The following KHDRBS2 variants were observed in gnomAD, a reference collection of about 807,000 sequenced individuals.
KHDRBS2 encodes KH domain-containing, RNA-binding, signal transduction-associated protein 2.
KHDRBS2 carries 26 observed loss-of-function variants against 44.3 expected under a neutral mutation model. The ratio of observed to expected loss-of-function variants is 0.59; its 90% CI spans 0.43 to 0.81. The LOEUF is 0.81. KHDRBS2 is among the 40% of genes least tolerant of loss of function. The pLI, the probability that KHDRBS2 is intolerant of heterozygous loss-of-function variation, is 0.00. For synonymous variants in KHDRBS2, 194 were observed against 151.1 expected (o/e 1.28, Z -2.08); for missense variants, 476 against 433.1 (o/e 1.10, Z -0.88).
the KHDRBS2 span, among the ~76,000 whole-genome samples, chr6:61,625,560 C>T: frequency 1.6e-4 from 24 of 151,996 alleles, no homozygotes; most frequent in Admixed American, 1.3e-3. Context: ...GACAGCAGAG[C>T]GACTAGGGCC....
At chr6:62,177,430 G>A in intron 1 of KHDRBS2, 118 bp from the exon 2 acceptor site, 2 of 767,204 alleles carry the variant, frequency 2.6e-6, no homozygotes, top group Non-Finnish European at 2.0e-6. Context: ...ATAAGATTTT[G>A]ATGAATATTG....
At chr6:62,128,424 C>A (rs576539676) in intron 2 of KHDRBS2, among the ~76,000 whole-genome samples, 40 of 152,032 alleles carry the variant, frequency 2.6e-4, no homozygotes, top group Non-Finnish European at 5.0e-4. Context: ...ATCATGTAAG[C>A]TTTTTCTCTT....
At chr6:62,253,832 T>A (rs940603583) in intron 1 of KHDRBS2, among the ~76,000 whole-genome samples, 1 of 151,998 alleles carries the variant, frequency 6.6e-6, no homozygotes, top group Non-Finnish European at 1.5e-5. Flanking sequence ...GCAATTAGCA[T>A]TATTATTGCA....
chr6:62,136,203 T>G (rs1248664850), intron 2 of KHDRBS2, among the ~76,000 whole-genome samples: 1 of 152,196 alleles, frequency 6.6e-6, no homozygotes, highest in Admixed American at 6.5e-5. Flanking sequence ...CAATAAAATT[T>G]TTTAAATGTG....
chr6:61,913,096 T>C (rs1414161505), intron 4 of KHDRBS2, among the ~76,000 whole-genome samples: 9 of 152,114 alleles, frequency 5.9e-5, no homozygotes, highest in Non-Finnish European at 1.2e-4. Context: ...ACCCCTTTCC[T>C]TATTCGTTTT....
At chr6:62,101,285 C>T (rs1218040179) in intron 2 of KHDRBS2, among the ~76,000 whole-genome samples, 1 of 151,928 alleles carries the variant, frequency 6.6e-6, no homozygotes, top group African/African-American at 2.4e-5. Context: ...ATATCAACAT[C>T]CACAGTTTTG....
chr6:61,848,553 A>ATG (rs1794926927), intron 6 of KHDRBS2, among the ~76,000 whole-genome samples: 1 of 30,146 alleles, frequency 3.3e-5, no homozygotes. Flanking sequence ...ATATATATAC[A>ATG]TATATATATG....
At chr6:61,552,683 GT>G in the KHDRBS2 span, among the ~76,000 whole-genome samples, 1 of 152,084 alleles carries the variant, frequency 6.6e-6, no homozygotes, top group Non-Finnish European at 1.5e-5. Context: ...CCAATGCCTA[GT>G]TTTTTGAGGA....
At chr6:61,552,454 GA>G in the KHDRBS2 span, among the ~76,000 whole-genome samples, 1 of 152,110 alleles carries the variant, frequency 6.6e-6, no homozygotes, top group Non-Finnish European at 1.5e-5. Context: ...CGTATTGTCT[GA>G]AAACAGGGAT....
intron 1 of KHDRBS2, among the ~76,000 whole-genome samples, chr6:62,210,085 G>T (rs1291334277): frequency 6.6e-6 from 1 of 152,022 alleles, no homozygotes; most frequent in African/African-American, 2.4e-5. Flanking sequence ...TGTCCCTCTA[G>T]AAAACCCTAA....
chr6:62,064,292 T>C (rs1792912447), intron 2 of KHDRBS2, among the ~76,000 whole-genome samples: 2 of 150,106 alleles, frequency 1.3e-5, no homozygotes, highest in South Asian at 2.1e-4. Flanking sequence ...TTAAAGTTCA[T>C]ATGGAACAAA....
intron 6 of KHDRBS2, among the ~76,000 whole-genome samples, chr6:61,780,255 C>T (rs909208015): frequency 7.2e-5 from 11 of 152,214 alleles, no homozygotes; most frequent in Non-Finnish European, 1.5e-4. Context: ...AATCCCAGCA[C>T]TTTGGGAAAC....
At chr6:61,659,953 T>C in the KHDRBS2 span, among the ~76,000 whole-genome samples, 3,850 of 151,958 alleles carry the variant, frequency 0.025, 79 homozygotes, top group Middle Eastern at 0.082. Context: ...GAATTCATTA[T>C]ACATGAAAGC....
rs186958472 is a variant in KHDRBS2, at chr6:61,890,319, G to C, written c.810+4316C>G. Among the ~76,000 whole-genome samples, 678 of 152,144 alleles carry C rather than the reference G, an allele frequency of 4.5e-3. 8 individuals are homozygous for C. Among genetic ancestry groups the C allele is most frequent in the African/African-American group, 0.015 (637 of 41,530 alleles). ...TACTATTTTCTGTTATCTTTTCTAAGGAACATACTCACCTCTTAAATTTTC... is the reference window on the plus strand; with the variant it reads ...TACTATTTTCTGTTATCTTTTCTAACGAACATACTCACCTCTTAAATTTTC... On this transcript the variant is annotated intron_variant, in intron 6 of 8. Coordinates refer to ENST00000281156, the MANE Select transcript of KHDRBS2 (RefSeq NM_152688.4).
chr6:61,954,995 TAGAC>T (rs1766203032), intron 4 of KHDRBS2, among the ~76,000 whole-genome samples: 2 of 143,728 alleles, frequency 1.4e-5, no homozygotes, highest in South Asian at 2.2e-4. Flanking sequence ...TATACATATA[TAGAC>T]ATACATATGT....
At position 62,059,505 on chromosome 6, in the gene KHDRBS2, T is replaced by G. The variant is rs553531194; in HGVS notation, c.220-11511A>C. On this transcript the variant is annotated intron_variant, in intron 2 of 8. Transcript: ENST00000281156. ...AGACATGGCAATTTATTATATTAAGTTGGAGGGAATATGAAGAGAGTAGTG... is the reference window on the plus strand; with the variant it reads ...AGACATGGCAATTTATTATATTAAGGTGGAGGGAATATGAAGAGAGTAGTG... 4.0e-5 allele frequency among the ~76,000 whole-genome samples: 6 copies of G among 151,488 alleles called. No homozygotes were observed. In the East Asian group the frequency reaches 1.2e-3, roughly 30 times the overall value.
At chr6:61,556,045 G>C in the KHDRBS2 span, among the ~76,000 whole-genome samples, 32 of 152,164 alleles carry the variant, frequency 2.1e-4, no homozygotes, top group African/African-American at 7.2e-4. Flanking sequence ...CTTGTCACCT[G>C]GGGCCACTGG....
chr6:62,285,949 A>G lies in KHDRBS2; in HGVS notation c.-1T>C. ...CAGGCAAATATTTCTCCTCTTCCAT[A>G]GCGCGGACTTCGGATTGTCCCCGGG... On this transcript the variant is annotated 5_prime_UTR_variant, in exon 1 of 9. Transcript: ENST00000281156. 6.2e-7 allele frequency: 1 copy of G among 1,600,902 alleles called. No homozygotes were observed. Among genetic ancestry groups the G allele is most frequent in the East Asian group, 2.2e-5 (1 of 44,760 alleles).
chr6:62,221,528 CA>C (rs1830893157), intron 1 of KHDRBS2, among the ~76,000 whole-genome samples: 3 of 151,948 alleles, frequency 2.0e-5, no homozygotes, highest in Non-Finnish European at 4.4e-5. Flanking sequence ...TTCTATTAAC[CA>C]TTTTGTTATC....
Sources: allele counts gnomAD v4.1 joint callset (sites outside exome capture counted in the v4.1 genomes callset), GRCh38; gene constraint gnomAD v4.1.1; transcripts MANE v1.5; gene names NCBI Gene and HGNC (gene_info 2026-07-23, HGNC 2026-07-21).